TRPM5: variants seen among roughly 807,000 people sequenced by gnomAD.
The protein encoded by TRPM5 is MLSN1 and TRP-related.
Under a neutral mutation model 124.9 loss-of-function variants are expected in TRPM5, and 121 were observed. The observed-to-expected ratio is 0.97, with a 90% confidence interval of 0.84 to 1.13. TRPM5 has a LOEUF of 1.13. Ranked by LOEUF, TRPM5 falls within the 50% of genes most tolerant of loss-of-function variation. TRPM5 has a pLI of 0.00. For missense variants in TRPM5, 1,643 were observed against 1,589.1 expected (o/e 1.03, Z -0.58); for synonymous variants, 781 against 700.5 (o/e 1.11, Z -1.81).
the TRPM5 span, among the ~76,000 whole-genome samples, chr11:2,441,324 T>C: frequency 6.6e-6 from 1 of 152,092 alleles, no homozygotes; most frequent in Non-Finnish European, 1.5e-5. The surrounding 1 kb of genome is among the most constrained non-coding windows in gnomAD (Gnocchi z 7.2). Flanking sequence ...ACCTCCTTGC[T>C]CACACAGAGA....
intron 9 of TRPM5, 26 bp downstream of exon 14, chr11:2,415,095 T>G (rs1188723127): frequency 6.3e-7 from 1 of 1,582,042 alleles, no homozygotes; most frequent in African/African-American, 1.3e-5. Context: ...AGCCTCGCCC[T>G]CCATCCCCAC....
rs902197484 is a variant in TRPM5, at chr11:2,416,238, G to C, written c.1010-214C>G. Among the ~76,000 whole-genome samples, 3 of 152,242 alleles carry C rather than the reference G, an allele frequency of 2.0e-5. 1 individual carries two copies. In the South Asian group the frequency reaches 6.2e-4, roughly 31 times the overall value. ...AAAGCGTGCTGCCCTGGTCTGCGTCGGGACGGCCCGTCTGCTCCCATGTGA... is the reference window on the plus strand; with the variant it reads ...AAAGCGTGCTGCCCTGGTCTGCGTCCGGACGGCCCGTCTGCTCCCATGTGA... On this transcript the variant is annotated intron_variant, in intron 7 of 23. Transcript: ENST00000155858.
chr11:2,437,109 T>C, the TRPM5 span, among the ~76,000 whole-genome samples: 10 of 152,326 alleles, frequency 6.6e-5, no homozygotes, highest in Admixed American at 1.3e-4. The surrounding 1 kb of genome is among the most constrained non-coding windows in gnomAD (Gnocchi z 5.6). Context: ...AGGCTGCCTG[T>C]CTTAGGAGAA....
the TRPM5 span, among the ~76,000 whole-genome samples, chr11:2,429,848 C>T: frequency 3.9e-5 from 6 of 152,026 alleles, no homozygotes; most frequent in South Asian, 2.1e-4. This position sits in a 1 kb window ranked among gnomAD's most constrained non-coding sequence, Gnocchi z 8.4. Context: ...TGGAGGTAAT[C>T]GGATCATGGG....
chr11:2,422,427 T>TG (rs1250565741), intron 1 of TRPM5, 106 bp from the exon 7 acceptor site: 3 of 376,396 alleles, frequency 8.0e-6, no homozygotes, highest in Non-Finnish European at 7.4e-6. Context: ...GTGCTGAGCA[T>TG]GGGGGGACAC....
intron 12 of TRPM5, 52 bp downstream of exon 17, chr11:2,414,009 G>GGGCGGCCCCCCCCCCCCCCCCCCCCCC: frequency 9.8e-7 from 1 of 1,023,734 alleles, no homozygotes. Flanking sequence ...GGCCCAGCTC[G>GGGCGGCCCCCCCCCCCCCCCCCCCCCC]CCCGCCCACC....
the TRPM5 span, among the ~76,000 whole-genome samples, chr11:2,441,088 C>CAGCCTGAG: frequency 6.6e-6 from 1 of 152,218 alleles, no homozygotes; most frequent in South Asian, 2.1e-4. This position sits in a 1 kb window ranked among gnomAD's most constrained non-coding sequence, Gnocchi z 7.2. Context: ...GGCTCTGGGA[C>CAGCCTGAG]AGCCTGAGAG....
chr11:2,411,599 C>G (rs2133510685), intron 17 of TRPM5, 36 bp downstream of exon 22: 1 of 1,610,842 alleles, frequency 6.2e-7, no homozygotes, highest in Non-Finnish European at 8.5e-7. Flanking sequence ...GATTGCTGTC[C>G]CTCCAGGGCC....
At chr11:2,441,618 A>G in the TRPM5 span, among the ~76,000 whole-genome samples, 2 of 152,126 alleles carry the variant, frequency 1.3e-5, no homozygotes. This position sits in a 1 kb window ranked among gnomAD's most constrained non-coding sequence, Gnocchi z 7.2. Context: ...CCCCCAGAGC[A>G]GCAGGCTGTG....
chr11:2,422,864 C>G (rs2301699), intron 1 of TRPM5, 56 bp downstream of exon 6: 406,622 of 1,459,672 alleles, frequency 0.28, 58,794 homozygotes, highest in Middle Eastern at 0.41. Context: ...GGAAATGGGG[C>G]CTCATGGGTT....
chr11:2,418,084 G>C, intron 6 of TRPM5, 83 bp downstream of exon 11: 2 of 1,298,172 alleles, frequency 1.5e-6, no homozygotes, highest in African/African-American at 1.5e-5. Flanking sequence ...TGGGCTGGAG[G>C]CTGCATTGCA....
At chr11:2,420,516 A>T (rs961518872) in intron 3 of TRPM5, 111 bp from the exon 9 acceptor site, 2 of 1,123,780 alleles carry the variant, frequency 1.8e-6, no homozygotes, top group Admixed American at 5.7e-5. Context: ...GGCCCCGCAC[A>T]AGGCTTCTGC....
the TRPM5 span, among the ~76,000 whole-genome samples, chr11:2,431,573 A>G: frequency 6.6e-6 from 1 of 152,134 alleles, no homozygotes; most frequent in Admixed American, 6.5e-5. Context: ...GTACCAGGTC[A>G]TGTTCCTCCC....
In TRPM5 at chr11:2,418,337, G is replaced by A. The variant is rs1437613984; in HGVS notation, c.736C>T (p.Gln246Ter). Residue 246 changes from glutamine (Q) to a stop codon, truncating the protein, a stop_gained, in exon 6 of 24, where the codon CAG (glutamine) becomes TAG (stop). Transcript: ENST00000155858. LOFTEE classifies it high-confidence loss of function. ...ACCAGGATCAGCCACGGGGCAGCCT[G>A]CTCCACGGCCCTGGAGATCCTCTGA... 6.4e-7 allele frequency: 1 copy of A among 1,560,226 alleles called. No homozygotes were observed. The highest frequency in any genetic ancestry group is 2.4e-5 in the East Asian group (1 of 41,968).
chr11:2,418,572 G>C (rs1845722432), exon 5 of TRPM5: 1 of 1,611,566 alleles, frequency 6.2e-7, no homozygotes, highest in African/African-American at 1.3e-5. Context: ...AGAGGACAGG[G>C]ATCTCGATGC....
At chr11:2,430,086 C>G in the TRPM5 span, among the ~76,000 whole-genome samples, 1 of 152,190 alleles carries the variant, frequency 6.6e-6, no homozygotes, top group Non-Finnish European at 1.5e-5. Flanking sequence ...CCAGCCAACT[C>G]TGGTTCAGTG....
intron 23 of TRPM5, among the ~76,000 whole-genome samples, chr11:2,405,296 C>T (rs968814505): frequency 6.6e-5 from 10 of 152,240 alleles, no homozygotes; most frequent in African/African-American, 9.6e-5. Context: ...ATAGGGCCCA[C>T]GCCAGGCAGA....
At chr11:2,412,334 T>C in intron 15 of TRPM5, 81 bp from the exon 21 acceptor site, 1 of 785,428 alleles carries the variant, frequency 1.3e-6, no homozygotes, top group Non-Finnish European at 1.8e-6. Flanking sequence ...AGCTTGGATC[T>C]GTAAGGATCA....
chr11:2,409,425 C>T (rs1459406094), intron 18 of TRPM5, among the ~76,000 whole-genome samples: 6 of 152,202 alleles, frequency 3.9e-5, no homozygotes, highest in Admixed American at 1.3e-4. Flanking sequence ...TGGGAAGGCG[C>T]CACCAGGCCG....
Sources: gnomAD v4.1 joint callset for allele counts (sites outside exome capture counted in the v4.1 genomes callset) on GRCh38, gnomAD v4.1.1 for gene constraint, Gnocchi (gnomAD v3.1) non-coding constraint, MANE v1.5 for transcripts, NCBI Gene and HGNC (gene_info 2026-07-23, HGNC 2026-07-21) for gene names.